Variants in NCAM2 observed in about 807,000 individuals in gnomAD.
NCAM2 encodes the protein N-CAM-2.
A neutral mutation model predicts 98.1 loss-of-function variants in NCAM2; 30 were observed. The ratio of observed to expected loss-of-function variants is 0.31; its 90% CI spans 0.23 to 0.41. The LOEUF is 0.41. Ranked by LOEUF, NCAM2 falls within the 10% of genes least tolerant of loss-of-function variation. The pLI, the probability that NCAM2 is intolerant of heterozygous loss-of-function variation, is 1.00. For missense variants in NCAM2, 867 were observed against 1,005.8 expected (o/e 0.86, Z 1.87); for synonymous variants, 368 against 342.4 (o/e 1.07, Z -0.83).
intron 1 of NCAM2, among the ~76,000 whole-genome samples, chr21:21,254,275 G>T (rs2071580461): frequency 6.6e-6 from 1 of 152,160 alleles, no homozygotes; most frequent in Non-Finnish European, 1.5e-5. Flanking sequence ...TGAAGAATCT[G>T]AAACTGAAAA....
At chr21:21,045,926 G>A (rs950173841) in intron 1 of NCAM2, among the ~76,000 whole-genome samples, 7 of 152,162 alleles carry the variant, frequency 4.6e-5, no homozygotes, top group Non-Finnish European at 1.0e-4. Context: ...TATCAGATAT[G>A]TATCTTTACA....
intron 1 of NCAM2, among the ~76,000 whole-genome samples, chr21:21,074,348 T>C (rs1008082465): frequency 2.6e-5 from 4 of 151,728 alleles, no homozygotes; most frequent in Non-Finnish European, 5.9e-5. Flanking sequence ...TATTAGCATT[T>C]ATTACATTTA....
At chr21:21,158,855 C>T (rs1433452705) in intron 1 of NCAM2, among the ~76,000 whole-genome samples, 3 of 151,970 alleles carry the variant, frequency 2.0e-5, no homozygotes, top group Non-Finnish European at 2.9e-5. Flanking sequence ...ATGCTTTTTA[C>T]AGTTATTTTA....
chr21:21,237,909 T>C (rs887180611), intron 1 of NCAM2, among the ~76,000 whole-genome samples: 72 of 151,996 alleles, frequency 4.7e-4, no homozygotes, highest in Non-Finnish European at 8.1e-4. Context: ...TTAAAGAATC[T>C]TTCATTTCTT....
At chr21:21,087,079 C>T (rs13051034) in intron 1 of NCAM2, among the ~76,000 whole-genome samples, 139,429 of 149,338 alleles carry the variant, frequency 0.93, 65,148 homozygotes, top group Middle Eastern at 0.99. Context: ...TGTGTGTGTG[C>T]GTGTGTGTGT....
At chr21:21,312,108 T>A (rs1053807047) in intron 5 of NCAM2, among the ~76,000 whole-genome samples, 8 of 152,130 alleles carry the variant, frequency 5.3e-5, no homozygotes, top group African/African-American at 1.7e-4. Flanking sequence ...TTCACTTCTT[T>A]ACCTATATAT....
intron 1 of NCAM2, among the ~76,000 whole-genome samples, chr21:21,026,541 C>G (rs1433693653): frequency 1.3e-5 from 2 of 151,694 alleles, no homozygotes; most frequent in Admixed American, 1.3e-4. Context: ...AGGAGAATCG[C>G]TTGAACTCAG....
intron 1 of NCAM2, among the ~76,000 whole-genome samples, chr21:21,156,585 T>TAGAC (rs957333525): frequency 6.6e-6 from 1 of 150,638 alleles, no homozygotes; most frequent in African/African-American, 2.5e-5. Flanking sequence ...AGATTATAGA[T>TAGAC]AGATAGATAG....
At chr21:21,096,335 C>T (rs1442842861) in intron 1 of NCAM2, among the ~76,000 whole-genome samples, 1 of 151,660 alleles carries the variant, frequency 6.6e-6, no homozygotes, top group Non-Finnish European at 1.5e-5. Flanking sequence ...AGACAGCCCT[C>T]ACTTTGCACA....
chr21:21,523,759 C>A (rs556102493), intron 16 of NCAM2, among the ~76,000 whole-genome samples: 1 of 151,194 alleles, frequency 6.6e-6, no homozygotes, highest in Non-Finnish European at 1.5e-5. Flanking sequence ...AATTCTTGAA[C>A]AACAAATAAA....
intron 2 of NCAM2, 82 bp downstream of exon 2, chr21:21,280,734 T>A: frequency 2.2e-6 from 2 of 893,022 alleles, no homozygotes; most frequent in Non-Finnish European, 1.6e-6. Context: ...TTTAACTAGT[T>A]AAAAACTCAG....
chr21:21,030,389 A>T (rs2064653975), intron 1 of NCAM2, among the ~76,000 whole-genome samples: 1 of 152,190 alleles, frequency 6.6e-6, no homozygotes, highest in Admixed American at 6.5e-5. Flanking sequence ...GGCATAAATG[A>T]TACAAACTTT....
At chr21:21,235,759 G>A (rs2070794126) in intron 1 of NCAM2, among the ~76,000 whole-genome samples, 1 of 151,880 alleles carries the variant, frequency 6.6e-6, no homozygotes, top group South Asian at 2.1e-4. Flanking sequence ...CACAATTGTT[G>A]ACCAATACCC....
chr21:21,244,113 A>G (rs780086460), intron 1 of NCAM2, among the ~76,000 whole-genome samples: 1 of 152,172 alleles, frequency 6.6e-6, no homozygotes, highest in Non-Finnish European at 1.5e-5. Context: ...AAGTAACTGT[A>G]ATAATGTGAG....
intron 1 of NCAM2, among the ~76,000 whole-genome samples, chr21:21,034,922 G>A (rs117526671): frequency 6.6e-6 from 1 of 152,218 alleles, no homozygotes; most frequent in Non-Finnish European, 1.5e-5. Flanking sequence ...CTTTTCATAA[G>A]AAATCTCAGA....
At chr21:21,368,943 A>C (rs1165177033) in intron 8 of NCAM2, among the ~76,000 whole-genome samples, 2 of 151,792 alleles carry the variant, frequency 1.3e-5, no homozygotes, top group East Asian at 3.9e-4. Context: ...ATAACCTTCA[A>C]CTGATATTTA....
rs1354467043 is a variant in NCAM2, at chr21:21,384,022, A to G, written c.1195+10009A>G. Among the ~76,000 whole-genome samples the G allele has an allele frequency of 2.6e-5, 4 of 152,054 alleles. No individual in the cohort carries two copies. The East Asian group carries it at 7.7e-4, about 29-fold the overall frequency. ...GCCTGGTGTTTGTTGACATGTTTAC[A>G]TAGAGACAAAAACTATCTTCATGAA... On this transcript the variant is annotated intron_variant, in intron 9 of 17. Coordinates refer to ENST00000400546, the MANE Select transcript of NCAM2 (RefSeq NM_004540.5).
intron 9 of NCAM2, among the ~76,000 whole-genome samples, chr21:21,403,416 TG>T: frequency 6.6e-6 from 1 of 152,198 alleles, no homozygotes; most frequent in East Asian, 1.9e-4. Flanking sequence ...AGTGATAATT[TG>T]GGACAGTGGT....
At chr21:21,360,326 G>A (rs1362499121) in intron 8 of NCAM2, among the ~76,000 whole-genome samples, 1 of 151,908 alleles carries the variant, frequency 6.6e-6, no homozygotes. Context: ...TGTGTTTATA[G>A]AGGGTGAAAA....
Sources: allele counts gnomAD v4.1 joint callset (sites outside exome capture counted in the v4.1 genomes callset), GRCh38; gene constraint gnomAD v4.1.1; transcripts MANE v1.5; gene names NCBI Gene and HGNC (gene_info 2026-07-23, HGNC 2026-07-21).